Variants in CCNI observed in about 807,000 individuals in gnomAD.
CCNI encodes cyclin-I.
In CCNI, 14 loss-of-function variants were observed where a neutral mutation model predicts 34.1. The observed-to-expected ratio is 0.41, with a 90% CI of 0.27 to 0.64. CCNI has a LOEUF of 0.64. Among genes scored for constraint, CCNI ranks in the 30% least tolerant of loss-of-function variants. The pLI, the probability that CCNI is intolerant of heterozygous loss-of-function variation, is 0.31. For synonymous variants in CCNI, 154 were observed against 158.4 expected (o/e 0.97, Z 0.21); for missense variants, 385 against 440.5 (o/e 0.87, Z 1.13).
At chr4:77,064,259 A>G (rs1728852396) in intron 2 of CCNI, among the ~76,000 whole-genome samples, 1 of 136,914 alleles carries the variant, frequency 7.3e-6, no homozygotes, top group African/African-American at 3.7e-5. Flanking sequence ...AAAAAAAAAG[A>G]AATAGGTCAG....
intron 6 of CCNI, 147 bp from the exon 7 acceptor site, chr4:77,048,809 T>C: frequency 2.1e-6 from 1 of 480,912 alleles, no homozygotes; most frequent in Non-Finnish European, 3.6e-6. Flanking sequence ...AACTCATTTA[T>C]TTATCCAGCT....
chr4:77,071,292 T>C (rs532685078), intron 1 of CCNI, among the ~76,000 whole-genome samples: 4 of 152,276 alleles, frequency 2.6e-5, no homozygotes, highest in South Asian at 4.1e-4. Context: ...CAGGGGAAAT[T>C]AGATAATACT....
chr4:77,075,464 C>G lies in CCNI; in HGVS notation c.-44+8G>C. On this transcript the variant is annotated splice_region_variant and intron_variant, in intron 1 of 6. Transcript: ENST00000237654. ...CGTCGAGCCCCCGCCCCCGCCCCCG[C>G]CCCTCACCTTCTCCTCCTCTTCCTC... 4.6e-6 allele frequency: 3 copies of G among 658,380 alleles called. No homozygotes were observed. The highest frequency in any genetic ancestry group is 1.4e-4 in the East Asian group (1 of 7,322). 40.8% of individuals were successfully genotyped at this position (658,380 alleles called of 1,614,324 possible). A position where few individuals can be genotyped will look rare whatever the true frequency, so the allele number is the denominator to read the frequency against.
At chr4:77,075,146 T>C (rs955845256) in intron 1 of CCNI, 5 of 152,088 alleles carry the variant, frequency 3.3e-5, no homozygotes, top group African/African-American at 7.2e-5. Flanking sequence ...CACGGGCTCG[T>C]AGAGCCTCCA....
chr4:77,047,358 G>A lies in CCNI; in HGVS notation c.*861C>T, dbSNP rs190241663. On this transcript the variant is annotated 3_prime_UTR_variant, in exon 7 of 7. Coordinates refer to ENST00000237654, the MANE Select transcript of CCNI (RefSeq NM_006835.3). ...AGGGTACTAAATTCAGTTATAACATGTTACAGACTTAAATCATAGAGCTGC... is the reference window on the plus strand; with the variant it reads ...AGGGTACTAAATTCAGTTATAACATATTACAGACTTAAATCATAGAGCTGC... 4.6e-5 allele frequency: 7 copies of A among 152,256 alleles called. No individual in the cohort carries two copies. In the East Asian group the frequency reaches 1.4e-3, roughly 29 times the overall value. 9.4% of individuals were successfully genotyped at this position (152,256 alleles called of 1,614,324 possible).
At chr4:77,069,594 C>T (rs1424408258) in intron 1 of CCNI, among the ~76,000 whole-genome samples, 1 of 112,758 alleles carries the variant, frequency 8.9e-6, no homozygotes, top group East Asian at 3.3e-4. Flanking sequence ...CCCCCCTCCC[C>T]CCACCCCACA....
intron 2 of CCNI, among the ~76,000 whole-genome samples, chr4:77,065,552 C>G (rs143572203): frequency 2.0e-5 from 3 of 152,300 alleles, no homozygotes; most frequent in African/African-American, 7.2e-5. Context: ...CACATGAACT[C>G]CTTACCGCTA....
chr4:77,057,822 ATAAG>A (rs1728341097), intron 3 of CCNI, among the ~76,000 whole-genome samples: 2 of 152,254 alleles, frequency 1.3e-5, no homozygotes, highest in African/African-American at 4.8e-5. Context: ...TGGATATTCA[ATAAG>A]TAGTGACAGA....
At chr4:77,064,960 G>C (rs1358705226) in intron 2 of CCNI, 1 of 152,200 alleles carries the variant, frequency 6.6e-6, no homozygotes, top group Admixed American at 6.5e-5. Flanking sequence ...GACTACAGGC[G>C]TGAGCCACTG....
chr4:77,054,798 C>T (rs4252908), intron 6 of CCNI, among the ~76,000 whole-genome samples: 2,390 of 152,124 alleles, frequency 0.016, 62 homozygotes, highest in African/African-American at 0.054. Context: ...TCCTGACATC[C>T]GTTATAAAAT....
chr4:77,067,863 G>C (rs1407150604), intron 1 of CCNI, among the ~76,000 whole-genome samples: 1 of 148,802 alleles, frequency 6.7e-6, no homozygotes, highest in Non-Finnish European at 1.5e-5. Flanking sequence ...GTAGAAAATT[G>C]GATTAAGAAA....
chr4:77,049,734 G>A (rs1223065707), intron 6 of CCNI, among the ~76,000 whole-genome samples: 5 of 150,498 alleles, frequency 3.3e-5, no homozygotes, highest in African/African-American at 1.2e-4. Context: ...CCACATTTCA[G>A]TATAATAATC....
chr4:77,069,429 TTA>T (rs200479056), intron 1 of CCNI, among the ~76,000 whole-genome samples: 4 of 145,592 alleles, frequency 2.7e-5, no homozygotes, highest in African/African-American at 5.3e-5. Context: ...AATATCATTT[TTA>T]TATATATATA....
chr4:77,071,240 T>C (rs566571456), intron 1 of CCNI, among the ~76,000 whole-genome samples: 2 of 152,352 alleles, frequency 1.3e-5, no homozygotes, highest in African/African-American at 4.8e-5. Context: ...TATATTGTAA[T>C]AACTTTTTTT....
At chr4:77,074,262 A>G (rs771256757) in intron 1 of CCNI, among the ~76,000 whole-genome samples, 1 of 152,172 alleles carries the variant, frequency 6.6e-6, no homozygotes, top group East Asian at 1.9e-4. Flanking sequence ...TGCTGACTGT[A>G]TTAGTCTGCC....
intron 2 of CCNI, among the ~76,000 whole-genome samples, chr4:77,060,483 G>C (rs4241600): frequency 0.12 from 18,149 of 152,010 alleles, 1,568 homozygotes; most frequent in African/African-American, 0.23. Context: ...TTTGAGACAG[G>C]GTCTTGCTCT....
chr4:77,058,701 TTCTC>T lies in CCNI; in HGVS notation c.115-70_115-67del, dbSNP rs1160224770. 7.1e-6 allele frequency: 10 copies of T among 1,412,478 alleles called. No homozygotes were observed. In the African/African-American group the frequency reaches 1.4e-4, roughly 20 times the overall value. The allele number at this position is 1,412,478 out of a possible 1,614,324, so 87.5% of individuals were successfully genotyped here. A position where few individuals can be genotyped will look rare whatever the true frequency, so the allele number is the denominator to read the frequency against. On this transcript the variant is annotated intron_variant, in intron 2 of 6. Coordinates refer to ENST00000237654, the MANE Select transcript of CCNI (RefSeq NM_006835.3). ...GCTATCATCAAGAGTATGTTTAGAATTCTCTCTCATAAAAGGTTAGGTAATACTA... is the reference window on the plus strand; with the variant it reads ...GCTATCATCAAGAGTATGTTTAGAATTCTCATAAAAGGTTAGGTAATACTA...
intron 3 of CCNI, among the ~76,000 whole-genome samples, chr4:77,056,745 C>T (rs954370844): frequency 9.2e-5 from 14 of 151,910 alleles, no homozygotes; most frequent in South Asian, 6.2e-4. Flanking sequence ...CCCGCCACCA[C>T]GCCCAGCTAA....
rs1320552642 is a variant in CCNI at position 77,075,725 on chromosome 4, C to T, written c.-297G>A. 4.1e-6 allele frequency: 1 copy of T among 244,354 alleles called. No homozygotes were observed. The highest frequency in any genetic ancestry group is 2.3e-5 in the African/African-American group (1 of 43,212). 15.1% of individuals were successfully genotyped at this position (244,354 alleles called of 1,614,324 possible). A position where few individuals can be genotyped will look rare whatever the true frequency, so the allele number is the denominator to read the frequency against. ...GGTCAGCGAATTAGTTCCATGATGA[C>T]CCCCGGCCTGAGGCCGCCGCCGCTC... On this transcript the variant is annotated 5_prime_UTR_variant, in exon 1 of 7. Transcript: ENST00000237654.
Sources: allele counts gnomAD v4.1 joint callset (sites outside exome capture counted in the v4.1 genomes callset), GRCh38; gene constraint gnomAD v4.1.1; transcripts MANE v1.5; gene names NCBI Gene and HGNC (gene_info 2026-07-23, HGNC 2026-07-21).